Variants in TSNARE1 observed in about 807,000 individuals in gnomAD.
The protein encoded by TSNARE1 is t-SNARE domain-containing protein 1.
A neutral mutation model predicts 62.0 loss-of-function variants in TSNARE1; 49 were observed. That is an observed-to-expected ratio of 0.79 (90% CI 0.63 to 1.00). TSNARE1 has a LOEUF of 1.00. Among genes scored for constraint, TSNARE1 ranks in the 50% least tolerant of loss-of-function variants. The pLI is 0.00. For synonymous variants in TSNARE1, 328 were observed against 294.4 expected (o/e 1.11, Z -1.17); for missense variants, 755 against 700.1 (o/e 1.08, Z -0.88).
rs370545884 is a variant in TSNARE1 at position 142,344,183 on chromosome 8, G to C, written c.528C>G (p.Tyr176Ter). The C allele has an allele frequency of 1.9e-6, 3 of 1,613,494 alleles. No homozygotes were observed. Among genetic ancestry groups the C allele is most frequent in the Non-Finnish European group, 2.5e-6 (3 of 1,179,904 alleles). Residue 176 changes from tyrosine (Y) to a stop codon, truncating the protein, a stop_gained, in exon 4 of 14, where the codon TAC becomes TAG. Transcript: ENST00000524325. LOFTEE classifies it high-confidence loss of function. ...TCAGGTCCACAACGTCGCGGCGACA[G>C]TAGCCCAGCGCATTCACGGCCTGCA... ...RILQAVNALG[Y>*]CRRDVVDLKH... is the part of the protein sequence containing the mutation.
chr8:142,315,175 C>A lies in TSNARE1; in HGVS notation c.985-83G>T. 2.9e-6 allele frequency: 4 copies of A among 1,372,952 alleles called. No homozygotes were observed. In the South Asian group the frequency reaches 4.9e-5, roughly 17 times the overall value. 85.0% of individuals were successfully genotyped at this position (1,372,952 alleles called of 1,614,324 possible). On this transcript the variant is annotated intron_variant, in intron 7 of 13. Coordinates refer to ENST00000524325, the MANE Select transcript of TSNARE1 (RefSeq NM_145003.5). ...CCACCACCCACACCTCCTCCCGTACCGATGTCCCACCTTCCCACACTCAGA... is the reference window on the plus strand; with the variant it reads ...CCACCACCCACACCTCCTCCCGTACAGATGTCCCACCTTCCCACACTCAGA...
intron 12 of TSNARE1, chr8:142,273,687 C>T: frequency 3.0e-6 from 3 of 985,428 alleles, no homozygotes; most frequent in African/African-American, 1.7e-5. Flanking sequence ...TCCCCGTTAC[C>T]ACACACTCCC....
intron 1 of TSNARE1, among the ~76,000 whole-genome samples, chr8:142,371,209 A>G (rs1325117980): frequency 6.6e-6 from 1 of 152,260 alleles, no homozygotes; most frequent in East Asian, 1.9e-4. Flanking sequence ...TGATAGTTAA[A>G]AACCTTCCAT....
chr8:142,271,521 T>C (rs1819543010), intron 12 of TSNARE1: 1 of 1,345,926 alleles, frequency 7.4e-7, no homozygotes, highest in Non-Finnish European at 9.5e-7. Context: ...AAGGCCCCCA[T>C]GAGTGTGGTT....
chr8:142,229,326 T>G (rs1299869710), intron 13 of TSNARE1, 147 bp downstream of exon 13: 1 of 673,370 alleles, frequency 1.5e-6, no homozygotes, highest in Non-Finnish European at 2.7e-6. Flanking sequence ...GGTAGATGGA[T>G]GGACAGATGG....
chr8:142,224,844 G>T (rs1256935869), intron 13 of TSNARE1, among the ~76,000 whole-genome samples: 1 of 152,168 alleles, frequency 6.6e-6, no homozygotes, highest in Non-Finnish European at 1.5e-5. Context: ...GTGGGTCTGG[G>T]CAGAGCAGTC....
At chr8:142,293,619 G>A (rs1384554973) in intron 10 of TSNARE1, among the ~76,000 whole-genome samples, 1 of 152,218 alleles carries the variant, frequency 6.6e-6, no homozygotes, top group African/African-American at 2.4e-5. Flanking sequence ...GAAGACACCT[G>A]AGGCCTGCAG....
At chr8:142,261,664 C>T (rs1272456775) in intron 12 of TSNARE1, among the ~76,000 whole-genome samples, 3 of 152,002 alleles carry the variant, frequency 2.0e-5, no homozygotes, top group Admixed American at 6.5e-5. Flanking sequence ...GCCACGGCCC[C>T]GGGGTGGGGG....
chr8:142,217,303 A>AAAAGAAAGAAAGAAAG lies in TSNARE1; in HGVS notation c.*12-5006_*12-4991dup, dbSNP rs140047050. Among the ~76,000 whole-genome samples, 176 of 126,744 alleles carry AAAAGAAAGAAAGAAAG rather than the reference A, an allele frequency of 1.4e-3. 1 individual carries two copies. Among genetic ancestry groups the AAAAGAAAGAAAGAAAG allele is most frequent in the Non-Finnish European group, 1.9e-3 (118 of 61,820 alleles). The allele number at this position is 126,744 out of a possible 152,430, so 83.1% of individuals were successfully genotyped here. ...AATAAAAAGAAGAAAGAAAGAAAGA[A>AAAAGAAAGAAAGAAAG]AAAGAAAGAAAGAAAGAAAGAAAGA... On this transcript the variant is annotated intron_variant, in intron 13 of 13. Transcript: ENST00000524325.
intron 2 of TSNARE1, among the ~76,000 whole-genome samples, chr8:142,349,440 T>C (rs1833806713): frequency 6.6e-6 from 1 of 152,158 alleles, no homozygotes; most frequent in African/African-American, 2.4e-5. Flanking sequence ...GTGAATGTGG[T>C]AAATATTCAA....
intron 13 of TSNARE1, among the ~76,000 whole-genome samples, chr8:142,212,719 C>T (rs560430005): frequency 1.3e-3 from 199 of 152,000 alleles, no homozygotes; most frequent in African/African-American, 4.4e-3. Flanking sequence ...CTCCTGGGCA[C>T]GCTTCCACCT....
chr8:142,289,081 C>T (rs775715999), intron 10 of TSNARE1, among the ~76,000 whole-genome samples: 3 of 152,236 alleles, frequency 2.0e-5, no homozygotes, highest in Non-Finnish European at 2.9e-5. Context: ...ACTCAAACAT[C>T]GGCCTGGTCC....
chr8:142,405,977 G>C (rs1838578411), upstream of TSNARE1: 1 of 152,366 alleles, frequency 6.6e-6, no homozygotes. Context: ...AGCCTCACCA[G>C]CAGCTGGGCC....
In TSNARE1 at chr8:142,345,769, G is replaced by GGCGTGCC. The variant is rs368772280; in HGVS notation, c.205_211dup (p.Pro71ArgfsTer18). The GGCGTGCC allele has an allele frequency of 1.9e-6, 3 of 1,612,904 alleles. No homozygotes were observed. Among genetic ancestry groups the GGCGTGCC allele is most frequent in the Middle Eastern group, 1.7e-4 (1 of 6,058 alleles). On this transcript the variant is annotated frameshift_variant, in exon 3 of 14. Coordinates refer to ENST00000524325, the MANE Select transcript of TSNARE1 (RefSeq NM_145003.5). LOFTEE classifies it high-confidence loss of function. ...TCGCTTCCTGGCCCTTGGGACAATA[G>GGCGTGCC]GCGTGCCTGCTGGCCCCAGATCACC...
At position 142,284,340 on chromosome 8, in the gene TSNARE1, A is replaced by AG. The variant is rs1822317151; in HGVS notation, c.1363+72dup. The AG allele has an allele frequency of 8.0e-6, 10 of 1,255,280 alleles. 1 individual carries two copies. In the East Asian group the frequency reaches 2.3e-4, roughly 29 times the overall value. 77.8% of individuals were successfully genotyped at this position (1,255,280 alleles called of 1,614,324 possible). On this transcript the variant is annotated intron_variant, in intron 11 of 13. Transcript: ENST00000524325. ...GGCCCCTTCACCCACCCTTAGGTGAAGGGGTGAGGGCTGGGGGCTGGCAGG... is the reference window on the plus strand; with the variant it reads ...GGCCCCTTCACCCACCCTTAGGTGAAGGGGGTGAGGGCTGGGGGCTGGCAGG...
intron 12 of TSNARE1, among the ~76,000 whole-genome samples, chr8:142,231,366 G>A (rs577803182): frequency 6.6e-6 from 1 of 152,330 alleles, no homozygotes; most frequent in South Asian, 2.1e-4. Flanking sequence ...TTGTCACAAA[G>A]TCATGTTGCT....
At chr8:142,267,994 T>C (rs1044882821) in intron 12 of TSNARE1, among the ~76,000 whole-genome samples, 2 of 152,214 alleles carry the variant, frequency 1.3e-5, no homozygotes, top group Non-Finnish European at 2.9e-5. Flanking sequence ...GTCTCCTTCC[T>C]GGCGAACCTC....
chr8:142,274,843 C>G lies in TSNARE1; in HGVS notation c.1384G>C (p.Glu462Gln). Reference protein sequence around the residue: ...EAVDSIEASLEAASSHAEAAR... With the variant: ...EAVDSIEASLQAASSHAEAAR... Reference sequence around the variant, plus strand: ...GCCTCCGCATGCGAGGACGCAGCCTCAAGGCTGGCTTCAATACTATCTGCA... The same window carrying G: ...GCCTCCGCATGCGAGGACGCAGCCTGAAGGCTGGCTTCAATACTATCTGCA... The change falls in exon 12 of 14, where the codon GAG becomes CAG. Residue 462 changes from glutamate (E) to glutamine (Q), a missense_variant. Physicochemically the swap from Glu to Gln is conservative, Grantham distance 29. Transcript: ENST00000524325. 2 of 1,577,082 alleles carry G rather than the reference C, an allele frequency of 1.3e-6. No individual in the cohort carries two copies. The highest frequency in any genetic ancestry group is 1.2e-5 in the South Asian group (1 of 86,030).
intron 13 of TSNARE1, among the ~76,000 whole-genome samples, chr8:142,222,722 AC>A (rs1816432875): frequency 7.1e-6 from 1 of 140,598 alleles, no homozygotes; most frequent in African/African-American, 2.8e-5. Context: ...TCATCCACTC[AC>A]TCACTCATCC....
Sources: gnomAD v4.1 joint callset for allele counts (sites outside exome capture counted in the v4.1 genomes callset) on GRCh38, gnomAD v4.1.1 for gene constraint, MANE v1.5 for transcripts, NCBI Gene and HGNC (gene_info 2026-07-23, HGNC 2026-07-21) for gene names.